The following HIP1 variants were observed in gnomAD, a reference collection of about 807,000 sequenced individuals.
The protein encoded by HIP1 is huntingtin interacting protein 1, also known as huntingtin-interacting protein 1.
HIP1 carries 65 observed loss-of-function variants against 147.6 expected under a neutral mutation model. The observed-to-expected ratio is 0.44, with a 90% CI of 0.36 to 0.54. The LOEUF (loss-of-function observed/expected upper bound fraction) is 0.54. Among genes scored for constraint, HIP1 ranks in the 20% least tolerant of loss-of-function variants. The probability of loss-of-function intolerance (pLI) is 0.00; values close to 1 mark genes in which losing one functional copy is unlikely to be tolerated. For missense variants in HIP1, 1,061 were observed against 1,299.6 expected (o/e 0.82, Z 2.82); for synonymous variants, 479 against 504.0 (o/e 0.95, Z 0.67).
chr7:75,686,127 T>G (rs1297587481), intron 1 of HIP1, among the ~76,000 whole-genome samples: 1 of 151,798 alleles, frequency 6.6e-6, no homozygotes, highest in African/African-American at 2.4e-5. Context: ...TGGCCTCAAG[T>G]AATCCACCTG....
At chr7:75,617,681 G>C (rs1042295164) in intron 1 of HIP1, among the ~76,000 whole-genome samples, 1 of 152,196 alleles carries the variant, frequency 6.6e-6, no homozygotes, top group South Asian at 2.1e-4. Context: ...CGGACACCAG[G>C]CCTTGGGGAA....
chr7:75,633,584 G>A (rs587730113), intron 1 of HIP1, among the ~76,000 whole-genome samples: 17 of 152,202 alleles, frequency 1.1e-4, no homozygotes, highest in African/African-American at 1.4e-4. Context: ...GAGCCACCGC[G>A]CACCTGGCCT....
chr7:75,678,360 T>TTTTTTTTC lies in HIP1; in HGVS notation c.120+60440_120+60441insGAAAAAAA, dbSNP rs71098061. Among the ~76,000 whole-genome samples, 9 of 127,572 alleles carry TTTTTTTTC rather than the reference T, an allele frequency of 7.1e-5. 1 individual carries two copies. Among genetic ancestry groups the TTTTTTTTC allele is most frequent in the Non-Finnish European group, 1.1e-4 (7 of 62,302 alleles). 83.7% of individuals were successfully genotyped at this position (127,572 alleles called of 152,430 possible). On this transcript the variant is annotated intron_variant, in intron 1 of 30. Transcript: ENST00000336926. ...TTATTCTTTTTTTTTTTTTTTTTTT[T>TTTTTTTTC]TGAGACAGCATCTCACTCTGTCACC...
chr7:75,711,525 C>T (rs1801165230), intron 1 of HIP1, among the ~76,000 whole-genome samples: 1 of 152,138 alleles, frequency 6.6e-6, no homozygotes, highest in Admixed American at 6.5e-5. Context: ...CAAGTTCAGC[C>T]TCAAGGAAAG....
intron 1 of HIP1, among the ~76,000 whole-genome samples, chr7:75,630,288 G>A (rs782615758): frequency 1.0e-4 from 15 of 150,180 alleles, no homozygotes; most frequent in Non-Finnish European, 1.6e-4. Flanking sequence ...GTGAAACTCC[G>A]TCTCTACAAA....
At chr7:75,614,962 G>A (rs2705794) in intron 1 of HIP1, among the ~76,000 whole-genome samples, 2 of 151,916 alleles carry the variant, frequency 1.3e-5, no homozygotes, top group Non-Finnish European at 2.9e-5. Context: ...TAGTGGAGAC[G>A]GGGTTTCACC....
intron 28 of HIP1, 76 bp from the exon 29 acceptor site, chr7:75,542,056 A>G (rs768336396): frequency 1.7e-6 from 2 of 1,200,374 alleles, no homozygotes; most frequent in South Asian, 1.2e-5. Context: ...GCCAATGCCA[A>G]TGCTCTGTGG....
chr7:75,566,404 G>A (rs1338420615), intron 9 of HIP1, among the ~76,000 whole-genome samples: 5 of 151,522 alleles, frequency 3.3e-5, no homozygotes, highest in Non-Finnish European at 7.3e-5. Flanking sequence ...TACTCCATAC[G>A]CAGTGAGCCC....
chr7:75,543,927 C>G (rs1420020838), intron 27 of HIP1, among the ~76,000 whole-genome samples: 2 of 152,178 alleles, frequency 1.3e-5, no homozygotes, highest in African/African-American at 4.8e-5. Flanking sequence ...AATCCCAGCA[C>G]TTTGGGAGGC....
chr7:75,613,689 C>T (rs1797527774), intron 1 of HIP1, among the ~76,000 whole-genome samples: 1 of 152,200 alleles, frequency 6.6e-6, no homozygotes. Flanking sequence ...GTGCTGCCTT[C>T]TGTAACTGCC....
At chr7:75,727,495 C>A (rs1201043751) in intron 1 of HIP1, among the ~76,000 whole-genome samples, 14 of 151,188 alleles carry the variant, frequency 9.3e-5, no homozygotes, top group Non-Finnish European at 1.9e-4. Flanking sequence ...ATGTGTGTTG[C>A]AAATATTTTC....
Position 75,558,271 on chromosome 7 carries a change from C to A in HIP1, c.1376-16G>T. 3 of 1,605,608 alleles carry A rather than the reference C, an allele frequency of 1.9e-6. No individual in the cohort carries two copies. The highest frequency in any genetic ancestry group is 2.6e-6 in the Non-Finnish European group (3 of 1,172,214). ...TGAGCTTTCCCTGTATTGTAAAGGACCAAGGTGAGGAGTCTAACCTAGCAG... is the reference window on the plus strand; with the variant it reads ...TGAGCTTTCCCTGTATTGTAAAGGAACAAGGTGAGGAGTCTAACCTAGCAG... On this transcript the variant is annotated splice_polypyrimidine_tract_variant and intron_variant, in intron 14 of 30. Coordinates refer to ENST00000336926, the MANE Select transcript of HIP1 (RefSeq NM_005338.7).
At chr7:75,652,688 G>GAAAAA (rs112957040) in intron 1 of HIP1, among the ~76,000 whole-genome samples, 1 of 144,816 alleles carries the variant, frequency 6.9e-6, no homozygotes, top group South Asian at 2.2e-4. Flanking sequence ...TACTGTTAGT[G>GAAAAA]AAAAAAAAAA....
chr7:75,702,033 G>A lies in HIP1; in HGVS notation c.120+36768C>T, dbSNP rs552017044. 2.4e-3 allele frequency among the ~76,000 whole-genome samples: 370 copies of A among 151,668 alleles called. 1 individual carries two copies. The highest frequency in any genetic ancestry group is 4.5e-3 in the Non-Finnish European group (308 of 67,900). Reference sequence around the variant, plus strand: ...CCACCTCTGCCTCCCGGGTTCAAGCGATTCTCCTGTCTCACCCTCCCAAGT... The same window carrying A: ...CCACCTCTGCCTCCCGGGTTCAAGCAATTCTCCTGTCTCACCCTCCCAAGT... On this transcript the variant is annotated intron_variant, in intron 1 of 30. Coordinates refer to ENST00000336926, the MANE Select transcript of HIP1 (RefSeq NM_005338.7).
At chr7:75,548,870 G>A (rs1554491532) in intron 23 of HIP1, 21 bp downstream of exon 23, 2 of 1,545,618 alleles carry the variant, frequency 1.3e-6, no homozygotes, top group Admixed American at 1.7e-5. Flanking sequence ...CGTTTCAGGA[G>A]ATCCTGCAGG....
chr7:75,560,735 T>C (rs1795198031), intron 13 of HIP1, among the ~76,000 whole-genome samples: 1 of 152,066 alleles, frequency 6.6e-6, no homozygotes, highest in Non-Finnish European at 1.5e-5. Flanking sequence ...AAGACCTGGT[T>C]CTTTTGGATT....
intron 1 of HIP1, among the ~76,000 whole-genome samples, chr7:75,706,613 T>C (rs62477604): frequency 0.021 from 3,047 of 142,096 alleles, 50 homozygotes; most frequent in Middle Eastern, 0.035. Context: ...CCTACACCCA[T>C]CAACTCGTCA....
At chr7:75,585,600 C>G (rs1796236716) in intron 5 of HIP1, among the ~76,000 whole-genome samples, 1 of 151,894 alleles carries the variant, frequency 6.6e-6, no homozygotes, top group Non-Finnish European at 1.5e-5. Context: ...GCCTCTCCCT[C>G]CTGCTTCTTC....
intron 1 of HIP1, among the ~76,000 whole-genome samples, chr7:75,716,021 A>T (rs1348439731): frequency 6.6e-6 from 1 of 151,994 alleles, no homozygotes; most frequent in African/African-American, 2.4e-5. Flanking sequence ...CTCACTCATG[A>T]CTGCGGGGAG....
Sources: allele counts gnomAD v4.1 joint callset (sites outside exome capture counted in the v4.1 genomes callset), GRCh38; gene constraint gnomAD v4.1.1; transcripts MANE v1.5; gene names NCBI Gene and HGNC (gene_info 2026-07-23, HGNC 2026-07-21).